The following GPR141 variants were observed in gnomAD, a reference collection of about 807,000 sequenced individuals.
The protein encoded by GPR141 is probable G protein-coupled receptor 141.
Under a neutral mutation model 6.8 loss-of-function variants are expected in GPR141, and 6 were observed. The observed-to-expected ratio is 0.88, with a 90% CI of 0.48 to 1.74. The LOEUF (loss-of-function observed/expected upper bound fraction) is 1.74, where lower values mean the gene tolerates loss of function less well. GPR141 is among the 40% of genes most tolerant of loss of function. The probability of loss-of-function intolerance (pLI) is 0.01; values close to 1 mark genes in which losing one functional copy is unlikely to be tolerated. For missense variants in GPR141, 372 were observed against 372.9 expected, an observed-to-expected ratio of 1.00 and a Z score of 0.02; for synonymous variants, 140 against 142.3, an observed-to-expected ratio of 0.98 and a Z score of 0.11.
At chr7:37,700,092 G>A (rs922036377) in intron 2 of GPR141, among the ~76,000 whole-genome samples, 1 of 152,178 alleles carries the variant, frequency 6.6e-6, no homozygotes, top group African/African-American at 2.4e-5. Flanking sequence ...TATTGTGGTA[G>A]AGCTGGTGCT....
chr7:37,693,908 T>A (rs1809897524), intron 2 of GPR141, among the ~76,000 whole-genome samples: 1 of 152,338 alleles, frequency 6.6e-6, no homozygotes, highest in Admixed American at 6.5e-5. Flanking sequence ...GCTTGAAGTC[T>A]GTAAAGACAA....
At chr7:37,719,676 T>C (rs1811221182) in intron 2 of GPR141, among the ~76,000 whole-genome samples, 1 of 152,150 alleles carries the variant, frequency 6.6e-6, no homozygotes, top group African/African-American at 2.4e-5. Context: ...ATATTTAGAA[T>C]GTACAGTTCA....
chr7:37,727,779 C>T (rs1054739564), intron 2 of GPR141, among the ~76,000 whole-genome samples: 1 of 152,170 alleles, frequency 6.6e-6, no homozygotes, highest in African/African-American at 2.4e-5. Flanking sequence ...TAACCCTTTG[C>T]CAACTATCCA....
intron 2 of GPR141, among the ~76,000 whole-genome samples, chr7:37,699,152 T>G (rs146360011): frequency 6.6e-6 from 1 of 151,614 alleles, no homozygotes; most frequent in African/African-American, 2.4e-5. Context: ...GGATTGGCAG[T>G]TTTTTTTTCT....
chr7:37,684,884 G>A (rs1003333178), intron 1 of GPR141, among the ~76,000 whole-genome samples: 1 of 152,180 alleles, frequency 6.6e-6, no homozygotes, highest in Non-Finnish European at 1.5e-5. Flanking sequence ...AAGACCAATG[G>A]ATGAGGAATC....
At chr7:37,703,464 C>T (rs1297480250) in intron 2 of GPR141, among the ~76,000 whole-genome samples, 2 of 152,160 alleles carry the variant, frequency 1.3e-5, no homozygotes, top group Non-Finnish European at 2.9e-5. Flanking sequence ...ACTGCCTTCA[C>T]TTGGCTCTCT....
At chr7:37,733,857 G>C (rs940050112) in intron 2 of GPR141, among the ~76,000 whole-genome samples, 1 of 152,002 alleles carries the variant, frequency 6.6e-6, no homozygotes. Context: ...CACTTCATAC[G>C]TTGGATATTT....
intron 2 of GPR141, among the ~76,000 whole-genome samples, chr7:37,696,911 C>T (rs1334259929): frequency 1.3e-5 from 2 of 151,888 alleles, no homozygotes; most frequent in African/African-American, 2.4e-5. Context: ...TTCTTAGTTG[C>T]GTTTTCTGGA....
chr7:37,721,363 T>A (rs1309505426), intron 2 of GPR141, among the ~76,000 whole-genome samples: 1 of 152,168 alleles, frequency 6.6e-6, no homozygotes, highest in African/African-American at 2.4e-5. Flanking sequence ...CAGGACCTGG[T>A]GACAAAAGTT....
intron 2 of GPR141, among the ~76,000 whole-genome samples, chr7:37,722,087 AT>A (rs1285992479): frequency 6.6e-6 from 1 of 152,226 alleles, no homozygotes; most frequent in East Asian, 1.9e-4. Context: ...CTATTAATCT[AT>A]ATCCACAAAT....
chr7:37,737,475 A>G lies in GPR141; in HGVS notation c.-14-2905A>G, dbSNP rs191227429. The stretch of plus-strand genomic sequence containing the variant: ...CTGTCTTGTCAAATGGTCTAATCCA[A>G]GGTTATACAACTTGCGGCCCATGGG... On this transcript the variant is annotated intron_variant, in intron 2 of 2. Coordinates refer to ENST00000334425, the MANE Select transcript of GPR141 (RefSeq NM_001381946.1). Among the ~76,000 whole-genome samples the G allele has an allele frequency of 3.3e-5, 5 of 152,340 alleles. 1 individual carries two copies. Among genetic ancestry groups the G allele is most frequent in the Admixed American group, 3.3e-4 (5 of 15,298 alleles).
At chr7:37,737,844 G>T (rs1812320642) in intron 2 of GPR141, among the ~76,000 whole-genome samples, 1 of 152,156 alleles carries the variant, frequency 6.6e-6, no homozygotes, top group Non-Finnish European at 1.5e-5. Context: ...GAAAGGGTTC[G>T]GGTGGATATT....
intron 1 of GPR141, among the ~76,000 whole-genome samples, chr7:37,684,949 G>A (rs1458228894): frequency 6.6e-6 from 1 of 152,116 alleles, no homozygotes; most frequent in East Asian, 1.9e-4. Context: ...ATAATTTGGG[G>A]GAATATTGTC....
At chr7:37,687,453 A>G (rs926681312) in intron 2 of GPR141, among the ~76,000 whole-genome samples, 7 of 152,006 alleles carry the variant, frequency 4.6e-5, no homozygotes, top group African/African-American at 1.7e-4. Context: ...GAAATATACT[A>G]TTTGCTTTGG....
At chr7:37,702,306 TCTC>T (rs749476550) in intron 2 of GPR141, among the ~76,000 whole-genome samples, 1 of 152,130 alleles carries the variant, frequency 6.6e-6, no homozygotes, top group Non-Finnish European at 1.5e-5. Flanking sequence ...TTTATTTTTC[TCTC>T]CTTTCTTCTT....
chr7:37,734,274 G>A (rs1812126614), intron 2 of GPR141, among the ~76,000 whole-genome samples: 1 of 152,200 alleles, frequency 6.6e-6, no homozygotes, highest in Non-Finnish European at 1.5e-5. Context: ...TATGAGGTAG[G>A]TAGGGCTTAT....
chr7:37,727,708 G>T (rs1811702325), intron 2 of GPR141, among the ~76,000 whole-genome samples: 1 of 152,148 alleles, frequency 6.6e-6, no homozygotes, highest in African/African-American at 2.4e-5. Flanking sequence ...GTTTAATTTG[G>T]GGGCAAGCTC....
chr7:37,693,899 C>T (rs571492038), intron 2 of GPR141, among the ~76,000 whole-genome samples: 3 of 152,252 alleles, frequency 2.0e-5, no homozygotes, highest in African/African-American at 7.2e-5. Context: ...AGCTTCTTAG[C>T]TTGAAGTCTG....
chr7:37,705,930 G>A (rs552240378), intron 2 of GPR141, among the ~76,000 whole-genome samples: 93 of 152,254 alleles, frequency 6.1e-4, no homozygotes, highest in Admixed American at 3.9e-4. Context: ...CAGAGGCTGC[G>A]ACAGCACTGA....
Sources: gnomAD v4.1 joint callset for allele counts (sites outside exome capture counted in the v4.1 genomes callset) on GRCh38, gnomAD v4.1.1 for gene constraint, MANE v1.5 for transcripts, NCBI Gene and HGNC (gene_info 2026-07-23, HGNC 2026-07-21) for gene names.